NF1: variants seen among roughly 807,000 people sequenced by gnomAD.
NF1 encodes neurofibromin.
A neutral mutation model predicts 325.7 loss-of-function variants in NF1; 122 were observed. The observed-to-expected ratio is 0.37, with a 90% CI of 0.32 to 0.44. The LOEUF (loss-of-function observed/expected upper bound fraction) is 0.44, where lower values mean the gene tolerates loss of function less well. Among genes scored for constraint, NF1 ranks in the 20% least tolerant of loss-of-function variants. The pLI is 1.00. For synonymous variants in NF1, 1,091 were observed against 1,186.0 expected (o/e 0.92, Z 1.65); for missense variants, 2,140 against 3,415.4 (o/e 0.63, Z 9.31).
At chr17:31,324,385 A>G (rs1423224584) in intron 36 of NF1, among the ~76,000 whole-genome samples, 2 of 151,832 alleles carry the variant, frequency 1.3e-5, no homozygotes, top group African/African-American at 4.8e-5. Context: ...TGATATTTTG[A>G]TACATGCATA....
chr17:31,143,962 C>T (rs1484859455), intron 1 of NF1, among the ~76,000 whole-genome samples: 2 of 152,104 alleles, frequency 1.3e-5, no homozygotes, highest in Non-Finnish European at 2.9e-5. Context: ...GCTGGGACTA[C>T]AGGCGCCTGC....
At chr17:31,252,053 T>TG (rs2067502963) in intron 30 of NF1, 1 of 217,696 alleles carries the variant, frequency 4.6e-6, no homozygotes, top group African/African-American at 2.2e-5. Context: ...AAGAAATCTT[T>TG]GGTCTAGAAA....
intron 36 of NF1, among the ~76,000 whole-genome samples, chr17:31,308,197 G>T (rs1264576279): frequency 1.3e-5 from 2 of 151,862 alleles, no homozygotes; most frequent in Non-Finnish European, 2.9e-5. Context: ...GAGTGCAGTG[G>T]CATGATCTTG....
intron 1 of NF1, among the ~76,000 whole-genome samples, chr17:31,103,288 G>A (rs1360610843): frequency 3.3e-5 from 5 of 151,900 alleles, no homozygotes; most frequent in Non-Finnish European, 7.4e-5. Flanking sequence ...TCTCGCCTAG[G>A]CTGGAGTGTA....
chr17:31,216,522 G>A (rs1410883975), intron 13 of NF1, among the ~76,000 whole-genome samples: 1 of 152,076 alleles, frequency 6.6e-6, no homozygotes, highest in African/African-American at 2.4e-5. Flanking sequence ...ATATGATTTT[G>A]TCTTCCATTT....
At chr17:31,279,390 A>G (rs1053819733) in intron 36 of NF1, among the ~76,000 whole-genome samples, 3 of 152,356 alleles carry the variant, frequency 2.0e-5, no homozygotes, top group African/African-American at 7.2e-5. Flanking sequence ...TTTTTATGCT[A>G]CTAGGTTTGT....
chr17:31,341,007 A>G (rs1301632688), intron 47 of NF1, among the ~76,000 whole-genome samples: 1 of 152,098 alleles, frequency 6.6e-6, no homozygotes, highest in East Asian at 1.9e-4. Flanking sequence ...AACACTATAC[A>G]TTTATTTTTA....
At position 31,336,947 on chromosome 17, in the gene NF1, G is replaced by C. The variant is rs749955014; in HGVS notation, c.6427+33G>C. 2 of 1,597,074 alleles carry C rather than the reference G, an allele frequency of 1.3e-6. No homozygotes were observed. Among genetic ancestry groups the C allele is most frequent in the South Asian group, 2.2e-5 (2 of 90,554 alleles). On this transcript the variant is annotated intron_variant, in intron 42 of 57. Transcript: ENST00000358273. This position sits in a 1 kb window ranked among gnomAD's most constrained non-coding sequence, Gnocchi z 5.5. Reference sequence around the variant, plus strand: ...CTAGGAAAGGAATTTGTGTTTACCAGTTCCTTTCTCCATTTTACTTCACCT... The same window carrying C: ...CTAGGAAAGGAATTTGTGTTTACCACTTCCTTTCTCCATTTTACTTCACCT...
intron 36 of NF1, among the ~76,000 whole-genome samples, chr17:31,283,784 G>A (rs538216041): frequency 6.6e-6 from 1 of 152,178 alleles, no homozygotes; most frequent in South Asian, 2.1e-4. Flanking sequence ...CACCTTATTA[G>A]GCCTAATTAC....
chr17:31,263,075 ATAGG>A (rs869183381), intron 35 of NF1, among the ~76,000 whole-genome samples: 14,566 of 140,552 alleles, frequency 0.1, 899 homozygotes, highest in Non-Finnish European at 0.14. Context: ...AGGTAGATAG[ATAGG>A]TAGGTAGGTA....
At chr17:31,153,571 A>G (rs1466019704) in intron 1 of NF1, among the ~76,000 whole-genome samples, 1 of 152,188 alleles carries the variant, frequency 6.6e-6, no homozygotes, top group African/African-American at 2.4e-5. Context: ...TCCATTAGAC[A>G]TTCTCCTTCC....
At chr17:31,250,925 G>GA (rs1239003301) in intron 30 of NF1, 2 of 190,358 alleles carry the variant, frequency 1.1e-5, no homozygotes, top group African/African-American at 4.6e-5. Context: ...TTAAAAACAT[G>GA]AATTAAAGGT....
chr17:31,342,685 C>G (rs1344601650), intron 47 of NF1, among the ~76,000 whole-genome samples: 1 of 152,178 alleles, frequency 6.6e-6, no homozygotes, highest in African/African-American at 2.4e-5. Context: ...AATATTGATT[C>G]TAGTGCCCTT....
intron 11 of NF1, among the ~76,000 whole-genome samples, chr17:31,204,389 TG>T (rs2066584199): frequency 6.6e-6 from 1 of 152,104 alleles, no homozygotes; most frequent in Non-Finnish European, 1.5e-5. Flanking sequence ...GTTCATATTA[TG>T]TAAGTGTTGC....
At chr17:31,182,927 ACGATACCT>A in intron 8 of NF1, 1 of 598,718 alleles carries the variant, frequency 1.7e-6, no homozygotes, top group South Asian at 2.1e-5. Context: ...AGAAGACTAA[ACGATACCT>A]CTGTTATTAT....
chr17:31,107,315 G>C (rs1439914448), intron 1 of NF1, among the ~76,000 whole-genome samples: 2 of 152,182 alleles, frequency 1.3e-5, no homozygotes, highest in Non-Finnish European at 2.9e-5. Context: ...GGGAATGACA[G>C]TGATAGTAGG....
chr17:31,105,686 G>GT (rs17885343), intron 1 of NF1, among the ~76,000 whole-genome samples: 2,388 of 152,086 alleles, frequency 0.016, 29 homozygotes, highest in Admixed American at 0.025. Context: ...AGCTGATTTT[G>GT]TTTTTTTAGT....
chr17:31,358,780 T>G lies in NF1; in HGVS notation c.8113+158T>G, dbSNP rs182500100. ...TACTCTCTCAACTGTATGTCCAATG[T>G]AACTGGTTGACAACTTTTTATGCTG... On this transcript the variant is annotated intron_variant, in intron 55 of 57. Transcript: ENST00000358273. The G allele has an allele frequency of 1.1e-5, 12 of 1,142,042 alleles. No individual in the cohort carries two copies. In the Admixed American group the frequency reaches 2.4e-4, roughly 23 times the overall value. 70.7% of individuals were successfully genotyped at this position (1,142,042 alleles called of 1,614,324 possible). A position where few individuals can be genotyped will look rare whatever the true frequency, so the allele number is the denominator to read the frequency against.
In NF1 at chr17:31,229,267, G is replaced by A. The variant is rs757843283; in HGVS notation, c.2652G>A (p.Glu884=). ...KGSMISVMSS[E]GNADTPVSKF... Reference sequence around the variant, plus strand: ...CTATGATTTCAGTGATGTCTTCAGAGGGAAACGCAGATACACCTGTCAGCA... The same window carrying A: ...CTATGATTTCAGTGATGTCTTCAGAAGGAAACGCAGATACACCTGTCAGCA... The change falls in exon 21 of 58, where the codon GAG becomes GAA. Residue 884 remains glutamate (E), a synonymous_variant. Transcript: ENST00000358273. 2.5e-5 allele frequency: 41 copies of A among 1,613,482 alleles called. No homozygotes were observed. Among genetic ancestry groups the A allele is most frequent in the Non-Finnish European group, 3.5e-5 (41 of 1,179,832 alleles).
Sources: gnomAD v4.1 joint callset for allele counts (sites outside exome capture counted in the v4.1 genomes callset) on GRCh38, gnomAD v4.1.1 for gene constraint, Gnocchi (gnomAD v3.1) non-coding constraint, MANE v1.5 for transcripts, NCBI Gene and HGNC (gene_info 2026-07-23, HGNC 2026-07-21) for gene names.